The following NPLOC4 variants were observed in gnomAD, a reference collection of about 807,000 sequenced individuals.
The protein encoded by NPLOC4 is nuclear protein localization protein 4 homolog.
A neutral mutation model predicts 80.6 loss-of-function variants in NPLOC4; 18 were observed. That is an observed-to-expected ratio of 0.22 (90% confidence interval 0.15 to 0.33). The LOEUF (loss-of-function observed/expected upper bound fraction) is 0.33, where lower values mean the gene tolerates loss of function less well. NPLOC4 is among the 10% of genes least tolerant of loss of function. The pLI, the probability that NPLOC4 is intolerant of heterozygous loss-of-function variation, is 1.00. For synonymous variants in NPLOC4, 313 were observed against 301.5 expected (o/e 1.04, Z -0.39); for missense variants, 540 against 786.1 (o/e 0.69, Z 3.74).
intron 3 of NPLOC4, among the ~76,000 whole-genome samples, chr17:81,618,708 C>T (rs1342104749): frequency 6.6e-6 from 1 of 151,660 alleles, no homozygotes; most frequent in Non-Finnish European, 1.5e-5. Flanking sequence ...GAGGTGTACC[C>T]AACAGCTCAT....
intron 3 of NPLOC4, among the ~76,000 whole-genome samples, chr17:81,618,295 G>GCCTCTGCC (rs1251939952): frequency 6.8e-6 from 1 of 147,432 alleles, no homozygotes; most frequent in Non-Finnish European, 1.5e-5. Flanking sequence ...TGTGGGGAGC[G>GCCTCTGCC]CCTCTGCCCC....
At chr17:81,593,849 C>T (rs1462027994) in intron 11 of NPLOC4, among the ~76,000 whole-genome samples, 6 of 152,110 alleles carry the variant, frequency 3.9e-5, no homozygotes, top group Admixed American at 3.9e-4. Context: ...CCCTGAGTCC[C>T]CCACGACAGC....
intron 12 of NPLOC4, among the ~76,000 whole-genome samples, chr17:81,583,517 C>G (rs945821073): frequency 6.6e-6 from 1 of 152,186 alleles, no homozygotes; most frequent in Non-Finnish European, 1.5e-5. Flanking sequence ...AGAAAAGCCC[C>G]ACGTCCTGCC....
At chr17:81,593,748 A>G (rs909589287) in intron 11 of NPLOC4, among the ~76,000 whole-genome samples, 2 of 151,528 alleles carry the variant, frequency 1.3e-5, no homozygotes, top group Non-Finnish European at 2.9e-5. Flanking sequence ...CTGGCCAGGC[A>G]GAATTCTAAA....
At chr17:81,608,440 G>A (rs897082200) in intron 6 of NPLOC4, among the ~76,000 whole-genome samples, 1 of 152,178 alleles carries the variant, frequency 6.6e-6, no homozygotes, top group Admixed American at 6.5e-5. Context: ...GCCAGGCGAG[G>A]TGGCTCACAC....
chr17:81,595,530 A>ATTTTTT (rs200287444), intron 11 of NPLOC4, among the ~76,000 whole-genome samples: 3 of 113,118 alleles, frequency 2.7e-5, no homozygotes, highest in Non-Finnish European at 5.9e-5. Flanking sequence ...ACATATATAT[A>ATTTTTT]TATATTTTTT....
chr17:81,570,386 T>C (rs2034129633), intron 13 of NPLOC4, among the ~76,000 whole-genome samples: 1 of 152,222 alleles, frequency 6.6e-6, no homozygotes, highest in Non-Finnish European at 1.5e-5. Flanking sequence ...GGGGAGGTGC[T>C]GACCTCCTGC....
intron 1 of NPLOC4, among the ~76,000 whole-genome samples, chr17:81,633,230 A>G (rs758396510): frequency 1.1e-4 from 16 of 152,148 alleles, no homozygotes; most frequent in Non-Finnish European, 2.2e-4. Flanking sequence ...TTCACAATAT[A>G]TAGCATTAGG....
intron 12 of NPLOC4, among the ~76,000 whole-genome samples, chr17:81,584,728 C>T (rs545864395): frequency 1.7e-4 from 26 of 152,240 alleles, no homozygotes; most frequent in East Asian, 9.6e-4. Flanking sequence ...CTGTTTCAAA[C>T]ACCAACAGTT....
intron 14 of NPLOC4, among the ~76,000 whole-genome samples, chr17:81,568,290 G>A (rs546280926): frequency 5.3e-5 from 8 of 152,256 alleles, no homozygotes; most frequent in Non-Finnish European, 1.2e-4. Context: ...GATGCAGCAC[G>A]GACATCTTCA....
intron 16 of NPLOC4, chr17:81,563,032 G>A (rs530054254): frequency 1.3e-5 from 2 of 151,242 alleles, no homozygotes; most frequent in Admixed American, 6.6e-5. Flanking sequence ...AAGATCACTT[G>A]AGCCTAGGAG....
At chr17:81,599,292 A>AT (rs2035004562) in intron 9 of NPLOC4, among the ~76,000 whole-genome samples, 2 of 151,160 alleles carry the variant, frequency 1.3e-5, no homozygotes, top group Middle Eastern at 3.4e-3. Flanking sequence ...CCTCAAAAAA[A>AT]AAAAATAAAA....
intron 12 of NPLOC4, among the ~76,000 whole-genome samples, chr17:81,586,186 T>C (rs1183008981): frequency 6.6e-6 from 1 of 151,970 alleles, no homozygotes; most frequent in African/African-American, 2.4e-5. Flanking sequence ...GGCACTGAGA[T>C]GGAAAGCCCC....
At chr17:81,621,885 C>G (rs906223394) in intron 3 of NPLOC4, among the ~76,000 whole-genome samples, 2 of 152,232 alleles carry the variant, frequency 1.3e-5, no homozygotes, top group African/African-American at 4.8e-5. Context: ...GCTGAGTATG[C>G]AGCTCACTCC....
intron 11 of NPLOC4, among the ~76,000 whole-genome samples, chr17:81,591,737 A>C (rs917231044): frequency 1.3e-5 from 2 of 152,204 alleles, no homozygotes; most frequent in Non-Finnish European, 2.9e-5. Context: ...AGGACAAGTT[A>C]ACTATCATTC....
intron 12 of NPLOC4, among the ~76,000 whole-genome samples, chr17:81,581,057 A>T (rs1351726276): frequency 6.6e-6 from 1 of 152,208 alleles, no homozygotes; most frequent in Non-Finnish European, 1.5e-5. Context: ...TAGAGATTTT[A>T]AAACACAGTA....
chr17:81,606,892 C>T (rs2035218372), intron 6 of NPLOC4, 78 bp from the exon 7 acceptor site: 5 of 1,349,762 alleles, frequency 3.7e-6, no homozygotes, highest in Middle Eastern at 2.1e-4. Context: ...TGCTAAGTAT[C>T]TTATACCTCC....
At chr17:81,576,673 A>C (rs938209027) in intron 12 of NPLOC4, among the ~76,000 whole-genome samples, 1 of 152,252 alleles carries the variant, frequency 6.6e-6, no homozygotes, top group Non-Finnish European at 1.5e-5. Context: ...ACACACGACA[A>C]AGGGTTAATA....
At chr17:81,579,315 T>C (rs1220224950) in intron 12 of NPLOC4, among the ~76,000 whole-genome samples, 1 of 152,176 alleles carries the variant, frequency 6.6e-6, no homozygotes, top group Non-Finnish European at 1.5e-5. Context: ...GAGGCGGAGA[T>C]TGCAGTGAGC....
Sources: allele counts gnomAD v4.1 joint callset (sites outside exome capture counted in the v4.1 genomes callset), GRCh38; gene constraint gnomAD v4.1.1; transcripts MANE v1.5; gene names NCBI Gene and HGNC (gene_info 2026-07-23, HGNC 2026-07-21).